The following NEBL variants were observed in gnomAD, a reference collection of about 807,000 sequenced individuals.
NEBL encodes the protein nebulette, also known as LIM and SH3 protein 2.
A neutral mutation model predicts 140.2 loss-of-function variants in NEBL; 122 were observed. That is an observed-to-expected ratio of 0.87 (90% CI 0.75 to 1.01). The LOEUF is 1.01. Ranked by LOEUF, NEBL falls within the 50% of genes least tolerant of loss-of-function variation. The probability of loss-of-function intolerance (pLI) is 0.00; values close to 1 mark genes in which losing one functional copy is unlikely to be tolerated. For missense variants in NEBL, 1,365 were observed against 1,231.3 expected, an observed-to-expected ratio of 1.11 and a Z score of -1.62; for synonymous variants, 436 against 398.9, an observed-to-expected ratio of 1.09 and a Z score of -1.11.
intron 11 of NEBL, 131 bp downstream of exon 11, chr10:20,850,264 C>T (rs934922737): frequency 1.4e-6 from 1 of 737,840 alleles, no homozygotes. Flanking sequence ...GTGGCTGGGT[C>T]TAGAAAGCAG....
chr10:21,202,961 A>G (rs1438740400), intron 3 of NEBL, among the ~76,000 whole-genome samples: 1 of 152,220 alleles, frequency 6.6e-6, no homozygotes, highest in East Asian at 1.9e-4. Context: ...AAAATTCCTG[A>G]CAGACTAGGA....
intron 4 of NEBL, among the ~76,000 whole-genome samples, chr10:20,911,317 T>C (rs576876945): frequency 2.9e-4 from 44 of 152,298 alleles, no homozygotes; most frequent in African/African-American, 1.0e-3. Flanking sequence ...TGAACAAACT[T>C]AGAATAAGAT....
At chr10:21,069,678 C>T (rs535320817) in intron 2 of NEBL, among the ~76,000 whole-genome samples, 24 of 152,290 alleles carry the variant, frequency 1.6e-4, no homozygotes, top group Middle Eastern at 3.4e-3. Context: ...GTTCATGTTA[C>T]ACATTTTCAT....
At chr10:21,216,664 G>C (rs144776464) in intron 3 of NEBL, among the ~76,000 whole-genome samples, 2,735 of 152,154 alleles carry the variant, frequency 0.018, 67 homozygotes, top group African/African-American at 0.052. Context: ...CCAGCTTCTT[G>C]GGAGGCTGAG....
At chr10:21,136,294 C>T (rs554821133) in intron 2 of NEBL, among the ~76,000 whole-genome samples, 6 of 152,250 alleles carry the variant, frequency 3.9e-5, no homozygotes, top group East Asian at 1.9e-4. Context: ...ATACAACTGG[C>T]GACTGTTGAA....
At chr10:20,876,644 G>A (rs999218328) in intron 5 of NEBL, among the ~76,000 whole-genome samples, 2 of 152,064 alleles carry the variant, frequency 1.3e-5, no homozygotes, top group African/African-American at 4.8e-5. Context: ...ACATTGAATC[G>A]ACTACCAATA....
intron 1 of NEBL, among the ~76,000 whole-genome samples, chr10:21,279,756 TAAAAA>T (rs11327218): frequency 7.4e-6 from 1 of 135,664 alleles, no homozygotes; most frequent in African/African-American, 2.7e-5. Flanking sequence ...AGAATCCATA[TAAAAA>T]AAAAAAAAAA....
chr10:21,073,857 G>A (rs1397718929), intron 2 of NEBL, among the ~76,000 whole-genome samples: 2 of 152,018 alleles, frequency 1.3e-5, no homozygotes, highest in Admixed American at 6.5e-5. Context: ...GGCAGATCAC[G>A]AGGTCAGGAG....
intron 14 of NEBL, among the ~76,000 whole-genome samples, chr10:20,833,846 T>C (rs900516384): frequency 3.3e-5 from 5 of 151,744 alleles, no homozygotes; most frequent in South Asian, 2.1e-4. Context: ...ATCTAGAGGA[T>C]AGAGATAGTG....
At chr10:21,286,379 G>A (rs1843055516) in intron 1 of NEBL, among the ~76,000 whole-genome samples, 2 of 152,160 alleles carry the variant, frequency 1.3e-5, no homozygotes, top group Admixed American at 1.3e-4. Context: ...CCAGGCCAAT[G>A]AAATGCTACC....
intron 4 of NEBL, among the ~76,000 whole-genome samples, chr10:20,933,385 A>G (rs1020400838): frequency 1.3e-5 from 2 of 152,232 alleles, no homozygotes; most frequent in Non-Finnish European, 2.9e-5. Flanking sequence ...GTACACTACT[A>G]GACTATATGA....
chr10:21,018,932 G>C (rs1451967537), intron 3 of NEBL, among the ~76,000 whole-genome samples: 1 of 152,186 alleles, frequency 6.6e-6, no homozygotes, highest in Non-Finnish European at 1.5e-5. Context: ...GGAGGCTGAG[G>C]CAGAGAACTG....
chr10:20,834,162 A>G (rs925526505), intron 14 of NEBL, among the ~76,000 whole-genome samples: 1 of 152,146 alleles, frequency 6.6e-6, no homozygotes, highest in African/African-American at 2.4e-5. Flanking sequence ...CATGGAAAAA[A>G]ATCCTTAATA....
chr10:20,856,546 G>A (rs913834565), intron 9 of NEBL, among the ~76,000 whole-genome samples: 7 of 152,154 alleles, frequency 4.6e-5, no homozygotes, highest in Non-Finnish European at 1.0e-4. Context: ...GGGGCTCAGG[G>A]AATAGAAATA....
At chr10:20,941,210 C>G (rs1834843560) in intron 4 of NEBL, among the ~76,000 whole-genome samples, 1 of 152,194 alleles carries the variant, frequency 6.6e-6, no homozygotes, top group Non-Finnish European at 1.5e-5. Flanking sequence ...AAACCAAATC[C>G]AGCAGCACTT....
rs185505046 is a variant in NEBL at position 20,967,790 on chromosome 10, G to A, written c.250-6011C>T. On this transcript the variant is annotated intron_variant, in intron 3 of 6. Coordinates refer to the NEBL transcript ENST00000417816. ...CTTACATTTGATGGCGAATTCACAC[G>A]TTATCTTTTTACTATCACCCTACAA... Among the ~76,000 whole-genome samples the A allele has an allele frequency of 4.5e-4, 68 of 152,196 alleles. No individual in the cohort carries two copies. The East Asian group carries it at 8.9e-3, about 20-fold the overall frequency.
chr10:20,820,542 G>T (rs929660006), intron 19 of NEBL, among the ~76,000 whole-genome samples: 2 of 152,276 alleles, frequency 1.3e-5, no homozygotes, highest in South Asian at 2.1e-4. Flanking sequence ...AAACAGACTT[G>T]AGGTCGGGTT....
At chr10:21,059,633 T>A (rs902417511) in intron 2 of NEBL, among the ~76,000 whole-genome samples, 1 of 152,258 alleles carries the variant, frequency 6.6e-6, no homozygotes, top group Non-Finnish European at 1.5e-5. Context: ...GCCAAACATT[T>A]GTTCACACCA....
chr10:20,867,482 G>A (rs562110512), intron 7 of NEBL, among the ~76,000 whole-genome samples: 1 of 152,030 alleles, frequency 6.6e-6, no homozygotes, highest in East Asian at 1.9e-4. Context: ...TAACATTATT[G>A]TTGACTCTGC....
Sources: gnomAD v4.1 joint callset for allele counts (sites outside exome capture counted in the v4.1 genomes callset) on GRCh38, gnomAD v4.1.1 for gene constraint, MANE v1.5 for transcripts, NCBI Gene and HGNC (gene_info 2026-07-23, HGNC 2026-07-21) for gene names.